The following ANXA11 variants were observed in gnomAD, a reference collection of about 807,000 sequenced individuals.
ANXA11 encodes annexin A11.
A neutral mutation model predicts 64.7 loss-of-function variants in ANXA11; 57 were observed. The ratio of observed to expected loss-of-function variants is 0.88; its 90% CI spans 0.71 to 1.10. The LOEUF is 1.10. ANXA11 is among the 50% of genes least tolerant of loss of function. The pLI, the probability that ANXA11 is intolerant of heterozygous loss-of-function variation, is 0.00. For synonymous variants in ANXA11, 260 were observed against 265.2 expected, an observed-to-expected ratio of 0.98 and a Z score of 0.19; for missense variants, 675 against 670.7, an observed-to-expected ratio of 1.01 and a Z score of -0.07.
chr10:80,185,991 A>G (rs1004841756), intron 1 of ANXA11, among the ~76,000 whole-genome samples: 8 of 152,146 alleles, frequency 5.3e-5, no homozygotes, highest in Non-Finnish European at 4.4e-5. Flanking sequence ...GTACTTCATT[A>G]AAGTACTTCA....
chr10:80,177,020 C>T (rs1846195279), intron 1 of ANXA11, among the ~76,000 whole-genome samples: 2 of 149,124 alleles, frequency 1.3e-5, no homozygotes, highest in Non-Finnish European at 3.0e-5. Context: ...CACTGTGTCA[C>T]CCAGGCTGCA....
intron 1 of ANXA11, among the ~76,000 whole-genome samples, chr10:80,186,030 A>T (rs1846522788): frequency 6.6e-6 from 1 of 152,208 alleles, no homozygotes; most frequent in South Asian, 2.1e-4. Context: ...GGTGAGAAGA[A>T]CACAGACTCT....
chr10:80,200,402 C>T (rs1840369581), intron 1 of ANXA11, among the ~76,000 whole-genome samples: 1 of 152,192 alleles, frequency 6.6e-6, no homozygotes. Context: ...TCTCCTAAAA[C>T]ACAGACAATA....
chr10:80,175,618 G>A (rs1846141940), intron 2 of ANXA11, among the ~76,000 whole-genome samples: 1 of 151,886 alleles, frequency 6.6e-6, no homozygotes, highest in African/African-American at 2.4e-5. Context: ...AAAAACTTAG[G>A]AAAAAAGTTT....
intron 1 of ANXA11, among the ~76,000 whole-genome samples, chr10:80,187,379 T>TC (rs1434504102): frequency 6.6e-6 from 1 of 152,212 alleles, no homozygotes; most frequent in Non-Finnish European, 1.5e-5. Context: ...AAGTGGGCCC[T>TC]CACCAGACAC....
chr10:80,171,047 C>T, intron 3 of ANXA11, 132 bp from the exon 4 acceptor site: 1 of 1,526,836 alleles, frequency 6.5e-7, no homozygotes, highest in South Asian at 1.2e-5. Flanking sequence ...CGGGACACCA[C>T]AGACCACATG....
rs138640812 is a variant in ANXA11, at chr10:80,200,042, T to C, written c.-58+5301A>G. ...GTAAATGAGAGGCAGAGCAGTCCGC[T>C]TCTTGGACCTACAGGAAGGGGCAGG... On this transcript the variant is annotated intron_variant, in intron 1 of 15. Coordinates refer to ENST00000422982, the MANE Select transcript of ANXA11 (RefSeq NM_145868.2). Among the ~76,000 whole-genome samples the C allele has an allele frequency of 1.3e-3, 201 of 152,334 alleles. 1 individual carries two copies. Among genetic ancestry groups the C allele is most frequent in the African/African-American group, 4.5e-3 (187 of 41,576 alleles).
intron 1 of ANXA11, among the ~76,000 whole-genome samples, chr10:80,188,211 G>A (rs914523757): frequency 2.0e-5 from 3 of 151,782 alleles, no homozygotes; most frequent in Non-Finnish European, 2.9e-5. Flanking sequence ...AACATCACAG[G>A]ACAGTCACAA....
intron 1 of ANXA11, among the ~76,000 whole-genome samples, chr10:80,182,211 G>C (rs1055669171): frequency 1.7e-4 from 25 of 145,104 alleles, no homozygotes; most frequent in African/African-American, 6.3e-4. Context: ...ATGGCGGGGG[G>C]TGCAAGTGTG....
At chr10:80,202,119 C>A (rs1212160955) in intron 1 of ANXA11, among the ~76,000 whole-genome samples, 1 of 151,276 alleles carries the variant, frequency 6.6e-6, no homozygotes, top group Non-Finnish European at 1.5e-5. Flanking sequence ...GCTAACTGAT[C>A]TCAAACCCCT....
intron 1 of ANXA11, among the ~76,000 whole-genome samples, chr10:80,187,530 C>T (rs546190767): frequency 1.3e-5 from 2 of 151,318 alleles, no homozygotes; most frequent in East Asian, 1.9e-4. Context: ...AGGATGCACG[C>T]GCATGTGCGC....
intron 5 of ANXA11, among the ~76,000 whole-genome samples, chr10:80,167,637 G>A (rs1018795605): frequency 2.6e-5 from 4 of 152,158 alleles, no homozygotes; most frequent in African/African-American, 9.7e-5. Context: ...CAGGTCTCGG[G>A]AGCAGGGGCT....
intron 1 of ANXA11, among the ~76,000 whole-genome samples, chr10:80,191,631 G>A (rs1004446916): frequency 2.6e-5 from 4 of 152,030 alleles, no homozygotes; most frequent in African/African-American, 7.2e-5. Flanking sequence ...GGAACCAGGT[G>A]CTCGCCTCTC....
At chr10:80,156,953 G>T in intron 15 of ANXA11, 1 of 983,904 alleles carries the variant, frequency 1.0e-6, no homozygotes, top group Non-Finnish European at 1.2e-6. Context: ...AGGCTCATGT[G>T]AGTTCAGAAT....
chr10:80,167,348 G>A, intron 5 of ANXA11, 35 bp from the exon 6 acceptor site: 1 of 1,590,326 alleles, frequency 6.3e-7, no homozygotes, highest in African/African-American at 1.3e-5. Context: ...AAGATGTCGT[G>A]CATGCCGCCT....
intron 2 of ANXA11, among the ~76,000 whole-genome samples, chr10:80,174,567 A>C (rs1846098472): frequency 7.0e-6 from 1 of 142,738 alleles, no homozygotes; most frequent in South Asian, 2.2e-4. Context: ...ATGAGCCACC[A>C]TGCCTGGCCT....
chr10:80,161,961 G>GAGC lies in ANXA11; in HGVS notation c.1151_1153dup (p.Cys384dup). 6.2e-7 allele frequency: 1 copy of GAGC among 1,612,304 alleles called. No individual in the cohort carries two copies. The highest frequency in any genetic ancestry group is 8.5e-7 in the Non-Finnish European group (1 of 1,179,516). ...TGCTACCAGGTGGGCCCGGCTCCGG[G>GAGC]AGCACAGAACCGCATTGAACTTGGA... On this transcript the variant is annotated inframe_insertion, in exon 12 of 16. Coordinates refer to ENST00000422982, the MANE Select transcript of ANXA11 (RefSeq NM_145868.2).
chr10:80,163,452 T>C lies in ANXA11; in HGVS notation c.1030-47A>G, dbSNP rs1845596003. 3.1e-6 allele frequency: 5 copies of C among 1,613,464 alleles called. No individual in the cohort carries two copies. The South Asian group carries it at 3.3e-5, about 11-fold the overall frequency. ...GTCATGCCCACTCCTTCCCCATTTA[T>C]TTTCCCTTTCCTCATTGCGGGGATC... On this transcript the variant is annotated intron_variant, in intron 10 of 15. Transcript: ENST00000422982.
chr10:80,162,086 G>A, intron 11 of ANXA11, 58 bp from the exon 12 acceptor site: 1 of 1,440,378 alleles, frequency 6.9e-7, no homozygotes, highest in Non-Finnish European at 9.6e-7. Context: ...CCAGGCCCAG[G>A]TCACCCAGGA....
Sources: gnomAD v4.1 joint callset for allele counts (sites outside exome capture counted in the v4.1 genomes callset) on GRCh38, gnomAD v4.1.1 for gene constraint, MANE v1.5 for transcripts, NCBI Gene and HGNC (gene_info 2026-07-23, HGNC 2026-07-21) for gene names.